Variants in C5orf24 observed in about 807,000 individuals in gnomAD.
The protein encoded by C5orf24 is UPF0461 protein C5orf24.
A neutral mutation model predicts 9.8 loss-of-function variants in C5orf24; 4 were observed. The ratio of observed to expected loss-of-function variants is 0.41; its 90% CI spans 0.20 to 0.93. C5orf24 has a LOEUF of 0.93. Among genes scored for constraint, C5orf24 ranks in the 40% least tolerant of loss-of-function variants. The pLI, the probability that C5orf24 is intolerant of heterozygous loss-of-function variation, is 0.33. For missense variants in C5orf24, 170 were observed against 236.9 expected (o/e 0.72, Z 1.85); for synonymous variants, 73 against 81.3 (o/e 0.90, Z 0.55).
intron 1 of C5orf24, among the ~76,000 whole-genome samples, chr5:134,853,359 C>T (rs925463328): frequency 8.6e-6 from 1 of 115,854 alleles, no homozygotes; most frequent in African/African-American, 3.0e-5. Flanking sequence ...GAAACTCCAC[C>T]TAAAAAAAAA....
In C5orf24 at chr5:134,858,561, G is replaced by A. The variant is rs1171570808; in HGVS notation, c.*3094G>A. On this transcript the variant is annotated 3_prime_UTR_variant, in exon 2 of 2. Coordinates refer to ENST00000394976, the MANE Select transcript of C5orf24 (RefSeq NM_001135586.1). ...TGTAATTCTGTTCTTCACAAAATAG[G>A]TTTCATTATTCTATATTTAAACTGT... 6.0e-6 allele frequency: 1 copy of A among 166,822 alleles called. No homozygotes were observed. Among genetic ancestry groups the A allele is most frequent in the Non-Finnish European group, 1.5e-5 (1 of 68,056 alleles). 10.3% of individuals were successfully genotyped at this position (166,822 alleles called of 1,614,324 possible).
Position 134,857,118 on chromosome 5 carries a change from G to A in C5orf24, c.*1651G>A. On this transcript the variant is annotated 3_prime_UTR_variant, in exon 2 of 2. Coordinates refer to ENST00000394976, the MANE Select transcript of C5orf24 (RefSeq NM_001135586.1). Reference sequence around the variant, plus strand: ...TCTTGTTACACATTTTATTTATTGAGTTTGTTCTAAATAAAATATTATAAA... The same window carrying A: ...TCTTGTTACACATTTTATTTATTGAATTTGTTCTAAATAAAATATTATAAA... 1 of 1,238,452 alleles carries A rather than the reference G, an allele frequency of 8.1e-7. No homozygotes were observed. The highest frequency in any genetic ancestry group is 3.9e-5 in the Admixed American group (1 of 25,672). The allele number at this position is 1,238,452 out of a possible 1,614,324, so 76.7% of individuals were successfully genotyped here.
chr5:134,836,888 A>T, the C5orf24 span, among the ~76,000 whole-genome samples: 1 of 152,062 alleles, frequency 6.6e-6, no homozygotes, highest in African/African-American at 2.4e-5. Flanking sequence ...TTGTTACTGT[A>T]TTGGTATAAC....
Position 134,858,593 on chromosome 5 carries a change from G to A in C5orf24, c.*3126G>A, listed in dbSNP as rs1029003231. The A allele has an allele frequency of 3.0e-5, 5 of 166,922 alleles. No individual in the cohort carries two copies. Among genetic ancestry groups the A allele is most frequent in the African/African-American group, 1.2e-4 (5 of 41,448 alleles). 10.3% of individuals were successfully genotyped at this position (166,922 alleles called of 1,614,324 possible). A position where few individuals can be genotyped will look rare whatever the true frequency, so the allele number is the denominator to read the frequency against. On this transcript the variant is annotated 3_prime_UTR_variant, in exon 2 of 2. Coordinates refer to ENST00000394976, the MANE Select transcript of C5orf24 (RefSeq NM_001135586.1). ...TATTCTATATTTAAACTGTTGGTCA[G>A]AAAATGATCTGCAATTCAAGTAAGT...
rs1374868985 is a variant in C5orf24, at chr5:134,858,053, T to C, written c.*2586T>C. On this transcript the variant is annotated 3_prime_UTR_variant, in exon 2 of 2. Transcript: ENST00000394976. ...ATAATGAATTTTGTATACATGTTTATGAAATGGTGAGATCAACTAAAGGAG... is the reference window on the plus strand; with the variant it reads ...ATAATGAATTTTGTATACATGTTTACGAAATGGTGAGATCAACTAAAGGAG... The C allele has an allele frequency of 6.0e-6, 1 of 167,052 alleles. No individual in the cohort carries two copies. The highest frequency in any genetic ancestry group is 1.5e-5 in the Non-Finnish European group (1 of 68,126). The allele number at this position is 167,052 out of a possible 1,614,324, so 10.3% of individuals were successfully genotyped here.
chr5:134,848,360 A>G (rs955326559), intron 1 of C5orf24, among the ~76,000 whole-genome samples: 3 of 151,542 alleles, frequency 2.0e-5, no homozygotes, highest in Non-Finnish European at 2.9e-5. Flanking sequence ...CATACTTTCA[A>G]TGAAAGGGTC....
At chr5:134,853,807 G>A (rs1226564814) in intron 1 of C5orf24, among the ~76,000 whole-genome samples, 2 of 152,162 alleles carry the variant, frequency 1.3e-5, no homozygotes, top group African/African-American at 4.8e-5. Context: ...TATTGGCTGG[G>A]TGCGGTGGCT....
chr5:134,845,137 T>A (rs1023777688), upstream of C5orf24, among the ~76,000 whole-genome samples: 6 of 152,186 alleles, frequency 3.9e-5, no homozygotes, highest in African/African-American at 1.4e-4. Context: ...TTGTTTCGTG[T>A]GTTGTGTCCT....
intron 1 of C5orf24, 56 bp downstream of exon 1, chr5:134,846,268 GA>G (rs1257323842): frequency 1.3e-5 from 2 of 152,490 alleles, no homozygotes; most frequent in Non-Finnish European, 1.5e-5. Flanking sequence ...GGGCGGCGGC[GA>G]GAACGGGCGC....
chr5:134,834,902 G>A, the C5orf24 span, among the ~76,000 whole-genome samples: 612 of 152,240 alleles, frequency 4.0e-3, 2 homozygotes, highest in Non-Finnish European at 6.4e-3. Context: ...AAAATTAGCC[G>A]GTGTAGTGGC....
At chr5:134,847,217 G>A (rs1177516723) in intron 1 of C5orf24, among the ~76,000 whole-genome samples, 2 of 152,158 alleles carry the variant, frequency 1.3e-5, no homozygotes, top group Admixed American at 6.5e-5. Flanking sequence ...TTAAGTATTC[G>A]AATTTAGTCA....
At chr5:134,848,765 A>G (rs550055390) in intron 1 of C5orf24, among the ~76,000 whole-genome samples, 1 of 150,692 alleles carries the variant, frequency 6.6e-6, no homozygotes, top group East Asian at 2.0e-4. Flanking sequence ...GTTCGAGACC[A>G]GCCTGACTAA....
chr5:134,849,140 A>G (rs1190554200), intron 1 of C5orf24, among the ~76,000 whole-genome samples: 1 of 151,976 alleles, frequency 6.6e-6, no homozygotes, highest in Admixed American at 6.6e-5. Context: ...CTGTAATCCC[A>G]GCTACTTCGG....
chr5:134,852,417 G>A (rs756261294), intron 1 of C5orf24, among the ~76,000 whole-genome samples: 1 of 152,168 alleles, frequency 6.6e-6, no homozygotes, highest in Non-Finnish European at 1.5e-5. Flanking sequence ...CTTGCCAATT[G>A]CTCTGTTGAT....
Position 134,847,865 on chromosome 5 carries a change from A to G in C5orf24, c.-4+1653A>G, listed in dbSNP as rs116564931. ...CAGGCACCCGCCACCATGCCTGACT[A>G]ATTTTTTGGATTTTTAGAGAGAGGG... On this transcript the variant is annotated intron_variant, in intron 1 of 1. Transcript: ENST00000394976. Among the ~76,000 whole-genome samples, 430 of 152,124 alleles carry G rather than the reference A, an allele frequency of 2.8e-3. 3 individuals are homozygous for G. The highest frequency in any genetic ancestry group is 6.8e-3 in the Middle Eastern group (2 of 294).
the C5orf24 span, among the ~76,000 whole-genome samples, chr5:134,838,025 T>C: frequency 6.6e-6 from 1 of 152,090 alleles, no homozygotes; most frequent in Admixed American, 6.6e-5. Context: ...GGCGGGAGGA[T>C]TGCTTGAGCC....
chr5:134,839,580 A>T, the C5orf24 span, among the ~76,000 whole-genome samples: 1 of 152,108 alleles, frequency 6.6e-6, no homozygotes, highest in Non-Finnish European at 1.5e-5. Flanking sequence ...GCATTATTAG[A>T]ATATGTCAAT....
rs563305516 is a variant in C5orf24, at chr5:134,857,371, G to T, written c.*1904G>T. ...TTTTTTATCAGGAAAAAAGCAGCAAGCCTTCAGGTGTTCCAGTGATGCCTG... is the reference window on the plus strand; with the variant it reads ...TTTTTTATCAGGAAAAAAGCAGCAATCCTTCAGGTGTTCCAGTGATGCCTG... On this transcript the variant is annotated 3_prime_UTR_variant, in exon 2 of 2. Coordinates refer to ENST00000394976, the MANE Select transcript of C5orf24 (RefSeq NM_001135586.1). The T allele has an allele frequency of 1.9e-4, 289 of 1,548,116 alleles. No individual in the cohort carries two copies. Among genetic ancestry groups the T allele is most frequent in the Non-Finnish European group, 2.3e-4 (268 of 1,145,386 alleles).
upstream of C5orf24, among the ~76,000 whole-genome samples, chr5:134,841,797 G>A (rs897333385): frequency 6.6e-6 from 1 of 152,124 alleles, no homozygotes; most frequent in African/African-American, 2.4e-5. Flanking sequence ...GCCTGACTTT[G>A]GGGGAGGGGA....
Sources: allele counts gnomAD v4.1 joint callset (sites outside exome capture counted in the v4.1 genomes callset), GRCh38; gene constraint gnomAD v4.1.1; transcripts MANE v1.5; gene names NCBI Gene and HGNC (gene_info 2026-07-23, HGNC 2026-07-21).